ADAMTS12: variants seen among roughly 807,000 people sequenced by gnomAD.
ADAMTS12 encodes the protein ADAM metallopeptidase with thrombospondin type 1 motif 12.
In ADAMTS12, 118 loss-of-function variants were observed where a neutral mutation model predicts 167.8. The observed-to-expected ratio is 0.70, with a 90% CI of 0.61 to 0.82. The LOEUF (loss-of-function observed/expected upper bound fraction) is 0.82. Among genes scored for constraint, ADAMTS12 ranks in the 40% least tolerant of loss-of-function variants. The pLI is 0.00. For synonymous variants in ADAMTS12, 704 were observed against 716.9 expected (o/e 0.98, Z 0.29); for missense variants, 1,916 against 1,998.8 (o/e 0.96, Z 0.79).
At chr5:33,617,116 T>C (rs1019365604) in intron 14 of ADAMTS12, among the ~76,000 whole-genome samples, 2 of 152,180 alleles carry the variant, frequency 1.3e-5, no homozygotes, top group African/African-American at 4.8e-5. Flanking sequence ...TGAATCTCAT[T>C]GCACAGAAGG....
intron 7 of ADAMTS12, among the ~76,000 whole-genome samples, chr5:33,654,262 A>G (rs1173775646): frequency 6.6e-6 from 1 of 152,126 alleles, no homozygotes; most frequent in Non-Finnish European, 1.5e-5. Flanking sequence ...GCTTTGAAAT[A>G]TTTGTCAGCT....
intron 10 of ADAMTS12, 122 bp from the exon 11 acceptor site, chr5:33,642,077 T>A: frequency 9.8e-7 from 1 of 1,025,000 alleles, no homozygotes; most frequent in Non-Finnish European, 1.4e-6. Flanking sequence ...CAGTCACATA[T>A]CAGATGTAAA....
At chr5:33,569,258 G>T (rs552672302) in intron 19 of ADAMTS12, among the ~76,000 whole-genome samples, 1 of 152,226 alleles carries the variant, frequency 6.6e-6, no homozygotes, top group Admixed American at 6.5e-5. Flanking sequence ...CTCCCAGCAC[G>T]CAGCTGGAGA....
chr5:33,534,832 C>A lies in ADAMTS12; in HGVS notation c.4606+1G>T, dbSNP rs1298198789. On this transcript the variant is annotated splice_donor_variant, in intron 23 of 23. Transcript: ENST00000504830. LOFTEE classifies it high-confidence loss of function. ...CTCCCCGAGCAAACCCATTCACCCACCGGCACTTTTCTTGCAGGCCTGCTG... is the reference window on the plus strand; with the variant it reads ...CTCCCCGAGCAAACCCATTCACCCAACGGCACTTTTCTTGCAGGCCTGCTG... 1.2e-6 allele frequency: 2 copies of A among 1,611,400 alleles called. No homozygotes were observed. The highest frequency in any genetic ancestry group is 1.6e-4 in the Middle Eastern group (1 of 6,066).
At chr5:33,857,422 C>CA (rs201346294) in intron 2 of ADAMTS12, among the ~76,000 whole-genome samples, 17,124 of 120,340 alleles carry the variant, frequency 0.14, 1,888 homozygotes, top group African/African-American at 0.33. Context: ...GCTCTCATCA[C>CA]AAAAAAAAAA....
chr5:33,702,967 C>T (rs1253159453), intron 3 of ADAMTS12, among the ~76,000 whole-genome samples: 4 of 152,164 alleles, frequency 2.6e-5, no homozygotes, highest in Admixed American at 2.6e-4. Flanking sequence ...CACTGGATTC[C>T]TACAACCTGT....
At chr5:33,673,767 G>A (rs1420190997) in intron 5 of ADAMTS12, among the ~76,000 whole-genome samples, 2 of 152,058 alleles carry the variant, frequency 1.3e-5, no homozygotes, top group African/African-American at 4.8e-5. Context: ...AGCAACAACT[G>A]CTTGTATTAG....
At chr5:33,720,229 A>G (rs1249322717) in intron 3 of ADAMTS12, among the ~76,000 whole-genome samples, 1 of 151,204 alleles carries the variant, frequency 6.6e-6, no homozygotes, top group Non-Finnish European at 1.5e-5. Context: ...CAATGTATTA[A>G]GTTTTTTGAA....
chr5:33,626,312 G>C, intron 13 of ADAMTS12, among the ~76,000 whole-genome samples: 1 of 151,294 alleles, frequency 6.6e-6, no homozygotes, highest in East Asian at 1.9e-4. Context: ...GCGGGGTAAT[G>C]GTGGCAGTGA....
rs182082100 is a variant in ADAMTS12, at chr5:33,773,333, A to T, written c.490-21785T>A. Among the ~76,000 whole-genome samples, 428 of 152,296 alleles carry T rather than the reference A, an allele frequency of 2.8e-3. 4 individuals carry two copies. Among genetic ancestry groups the T allele is most frequent in the African/African-American group, 9.6e-3 (398 of 41,564 alleles). ...GCAGAGAAGTTTTCATAGCCTTAAGAACCACATTCCCTTCTGTTTTCACTC... is the reference window on the plus strand; with the variant it reads ...GCAGAGAAGTTTTCATAGCCTTAAGTACCACATTCCCTTCTGTTTTCACTC... On this transcript the variant is annotated intron_variant, in intron 2 of 23. Transcript: ENST00000504830.
At chr5:33,547,177 T>A (rs1360335517) in intron 21 of ADAMTS12, among the ~76,000 whole-genome samples, 2 of 152,174 alleles carry the variant, frequency 1.3e-5, no homozygotes, top group South Asian at 2.1e-4. Flanking sequence ...CCTACCTATG[T>A]GCACACAGAT....
At chr5:33,642,734 T>A (rs927188950) in intron 10 of ADAMTS12, among the ~76,000 whole-genome samples, 2 of 152,222 alleles carry the variant, frequency 1.3e-5, no homozygotes, top group Non-Finnish European at 2.9e-5. Context: ...TCTGATATCC[T>A]TTTTTTCCTC....
intron 11 of ADAMTS12, 83 bp from the exon 12 acceptor site, chr5:33,637,829 T>C (rs1740269779): frequency 3.5e-6 from 5 of 1,408,458 alleles, no homozygotes; most frequent in Non-Finnish European, 4.9e-6. Context: ...TATCTGGCCT[T>C]GACAAATGAT....
At chr5:33,560,472 C>T (rs1210745411) in intron 20 of ADAMTS12, among the ~76,000 whole-genome samples, 2 of 152,068 alleles carry the variant, frequency 1.3e-5, no homozygotes, top group South Asian at 2.1e-4. Flanking sequence ...CACATGCACA[C>T]GTATGTTTAT....
rs762225827 is a variant in ADAMTS12 at position 33,641,872 on chromosome 5, G to A, written c.1656C>T (p.Ser552=). The change falls in exon 11 of 24, where the codon TCC becomes TCT. Residue 552 remains serine, a synonymous_variant. Transcript: ENST00000504830. ...PGGWGRWSPW[S]HCSRTCGAGV... is the part of the protein sequence containing the mutation. ...CAGCCCCACAGGTCCTGGAACAGTG[G>A]GACCAGGGTGACCAGCGGCCCCAGC... 5.6e-6 allele frequency: 9 copies of A among 1,613,686 alleles called. No homozygotes were observed. In the East Asian group the frequency reaches 2.0e-4, roughly 36 times the overall value.
Position 33,527,181 on chromosome 5 carries a change from T to G in ADAMTS12, c.*7A>C. On this transcript the variant is annotated 3_prime_UTR_variant, in exon 24 of 24. Coordinates refer to ENST00000504830, the MANE Select transcript of ADAMTS12 (RefSeq NM_030955.4). ...GCAGTCTGGTGGAAGCTGGCTTCCTTTTGGGCTTAGAGTTCTTTTGACTTT... is the reference window on the plus strand; with the variant it reads ...GCAGTCTGGTGGAAGCTGGCTTCCTGTTGGGCTTAGAGTTCTTTTGACTTT... 6.2e-7 allele frequency: 1 copy of G among 1,614,076 alleles called. No homozygotes were observed. Among genetic ancestry groups the G allele is most frequent in the Non-Finnish European group, 8.5e-7 (1 of 1,179,936 alleles).
In ADAMTS12 at chr5:33,649,712, C is replaced by G; in HGVS notation, c.1191-15G>C. The G allele has an allele frequency of 6.2e-7, 1 of 1,612,716 alleles. No individual in the cohort carries two copies. The highest frequency in any genetic ancestry group is 8.5e-7 in the Non-Finnish European group (1 of 1,179,240). On this transcript the variant is annotated splice_polypyrimidine_tract_variant and intron_variant, in intron 7 of 23. Coordinates refer to ENST00000504830, the MANE Select transcript of ADAMTS12 (RefSeq NM_030955.4). ...GGATGCCGAAGCTGGCAGGGAAGAA[C>G]CAAGCACAAGAAGAGCCAGCAGGCA... is the stretch of plus-strand genomic sequence containing the variant.
At chr5:33,626,781 ATGG>A (rs1004034920) in intron 13 of ADAMTS12, among the ~76,000 whole-genome samples, 3 of 121,872 alleles carry the variant, frequency 2.5e-5, no homozygotes, top group South Asian at 3.0e-4. Flanking sequence ...TGATTTGATG[ATGG>A]TGGTGGTGGT....
At chr5:33,661,568 G>C (rs1394772925) in intron 6 of ADAMTS12, among the ~76,000 whole-genome samples, 1 of 152,196 alleles carries the variant, frequency 6.6e-6, no homozygotes, top group Non-Finnish European at 1.5e-5. Flanking sequence ...CTGGTTAAAA[G>C]TAACAAGAGT....
Sources: gnomAD v4.1 joint callset for allele counts (sites outside exome capture counted in the v4.1 genomes callset) on GRCh38, gnomAD v4.1.1 for gene constraint, MANE v1.5 for transcripts, NCBI Gene and HGNC (gene_info 2026-07-23, HGNC 2026-07-21) for gene names.